NTM: variants seen among roughly 807,000 people sequenced by gnomAD.
The protein encoded by NTM is IgLON family member 2.
In NTM, 13 loss-of-function variants were observed where a neutral mutation model predicts 42.1. That is an observed-to-expected ratio of 0.31 (90% CI 0.20 to 0.49). The LOEUF (loss-of-function observed/expected upper bound fraction) is 0.49, where lower values mean the gene tolerates loss of function less well. Ranked by LOEUF, NTM falls within the 20% of genes least tolerant of loss-of-function variation. The pLI is 0.99. For missense variants in NTM, 373 were observed against 452.8 expected, an observed-to-expected ratio of 0.82 and a Z score of 1.60; for synonymous variants, 187 against 179.2, an observed-to-expected ratio of 1.04 and a Z score of -0.35.
intron 1 of NTM, among the ~76,000 whole-genome samples, chr11:131,742,058 A>G (rs1591542805): frequency 6.6e-6 from 1 of 152,296 alleles, no homozygotes; most frequent in East Asian, 1.9e-4. Flanking sequence ...AACAACACAC[A>G]CTGGGGCCTA....
chr11:132,110,377 C>G (rs78615996), intron 2 of NTM, among the ~76,000 whole-genome samples: 23,779 of 152,282 alleles, frequency 0.16, 2,206 homozygotes, highest in South Asian at 0.22. Flanking sequence ...CATGTCTTAT[C>G]TCTGCCAAGG....
chr11:132,303,589 T>G lies in NTM; in HGVS notation c.527-4100T>G, dbSNP rs1005349296. On this transcript the variant is annotated intron_variant, in intron 4 of 8. Transcript: ENST00000683400. Reference sequence around the variant, plus strand: ...CTCTCTGAGGTACTGATGGTTAGGATCTCAACATACCTTTTTTGGGAGGAC... The same window carrying G: ...CTCTCTGAGGTACTGATGGTTAGGAGCTCAACATACCTTTTTTGGGAGGAC... Among the ~76,000 whole-genome samples the G allele has an allele frequency of 3.9e-5, 6 of 152,216 alleles. No individual in the cohort carries two copies. The South Asian group carries it at 1.2e-3, about 32-fold the overall frequency.
At chr11:131,559,201 C>G (rs2055873765) in intron 1 of NTM, among the ~76,000 whole-genome samples, 1 of 152,200 alleles carries the variant, frequency 6.6e-6, no homozygotes, top group Non-Finnish European at 1.5e-5. Flanking sequence ...GAGGCAGACT[C>G]CAGGATCACA....
chr11:131,776,313 A>G (rs1376035545), intron 1 of NTM, among the ~76,000 whole-genome samples: 1 of 152,148 alleles, frequency 6.6e-6, no homozygotes, highest in Non-Finnish European at 1.5e-5. Context: ...TTGTGTGCAA[A>G]CCAGCTAATT....
intron 1 of NTM, among the ~76,000 whole-genome samples, chr11:131,478,887 G>C (rs1311186923): frequency 6.6e-6 from 1 of 152,238 alleles, no homozygotes; most frequent in Non-Finnish European, 1.5e-5. Context: ...AATCCAGTCT[G>C]GTTCTTTACT....
intron 2 of NTM, among the ~76,000 whole-genome samples, chr11:132,125,082 C>G (rs560594294): frequency 1.3e-5 from 2 of 152,326 alleles, no homozygotes; most frequent in African/African-American, 2.4e-5. Flanking sequence ...CACACCCTGC[C>G]TTCCTCACAC....
intron 1 of NTM, among the ~76,000 whole-genome samples, chr11:131,894,529 A>G (rs771253401): frequency 1.3e-5 from 2 of 152,186 alleles, no homozygotes; most frequent in African/African-American, 2.4e-5. Flanking sequence ...TTGAAACCCC[A>G]GGCAAAGGGC....
At chr11:132,122,019 T>A (rs1333044163) in intron 2 of NTM, among the ~76,000 whole-genome samples, 2 of 152,184 alleles carry the variant, frequency 1.3e-5, no homozygotes, top group Non-Finnish European at 2.9e-5. Context: ...CCTCCACCTC[T>A]ATGCATGAAA....
chr11:132,199,355 A>G (rs2080802433), intron 3 of NTM, among the ~76,000 whole-genome samples: 1 of 152,198 alleles, frequency 6.6e-6, no homozygotes, highest in African/African-American at 2.4e-5. Flanking sequence ...GTTAGTTTTG[A>G]GGCACAACGT....
At chr11:131,864,254 G>A (rs2046920831) in intron 1 of NTM, among the ~76,000 whole-genome samples, 1 of 152,176 alleles carries the variant, frequency 6.6e-6, no homozygotes, top group Non-Finnish European at 1.5e-5. Context: ...ATCCATCAGG[G>A]CAGGATCCAT....
At chr11:131,503,748 G>T (rs1219483713) in intron 1 of NTM, among the ~76,000 whole-genome samples, 1 of 152,046 alleles carries the variant, frequency 6.6e-6, no homozygotes, top group African/African-American at 2.4e-5. Flanking sequence ...GGGCTCAAGT[G>T]ATCCTCCTTC....
intron 3 of NTM, among the ~76,000 whole-genome samples, chr11:132,187,856 A>C (rs934067254): frequency 6.6e-6 from 1 of 152,156 alleles, no homozygotes; most frequent in African/African-American, 2.4e-5. Context: ...GAAAGTGAAC[A>C]TGGATTGGGT....
chr11:131,694,584 G>A (rs1451001488), intron 1 of NTM, among the ~76,000 whole-genome samples: 2 of 152,126 alleles, frequency 1.3e-5, no homozygotes, highest in Admixed American at 1.3e-4. Flanking sequence ...TGGCGGGAAA[G>A]GGCGTGCAAG....
At chr11:132,147,943 G>A (rs2070927673) in intron 3 of NTM, among the ~76,000 whole-genome samples, 1 of 152,198 alleles carries the variant, frequency 6.6e-6, no homozygotes, top group Non-Finnish European at 1.5e-5. Flanking sequence ...GTCGTGATCA[G>A]CACTGTTGAG....
chr11:131,660,334 T>G (rs562403954), intron 1 of NTM: 1 of 368,042 alleles, frequency 2.7e-6, no homozygotes, highest in African/African-American at 2.2e-5. Flanking sequence ...AAGAGGGGGA[T>G]GGAGACCTTG....
At chr11:132,292,211 TAGAC>T (rs1193791680) in intron 4 of NTM, among the ~76,000 whole-genome samples, 3 of 152,190 alleles carry the variant, frequency 2.0e-5, no homozygotes, top group Admixed American at 6.5e-5. Context: ...AGACATTTGT[TAGAC>T]AGTTACTGTA....
intron 2 of NTM, among the ~76,000 whole-genome samples, chr11:132,036,005 A>G (rs1028922420): frequency 6.6e-6 from 1 of 152,078 alleles, no homozygotes; most frequent in Non-Finnish European, 1.5e-5. Flanking sequence ...CAAGGATGTA[A>G]TTTACAGGCT....
rs190389866 is a variant in NTM, at chr11:132,135,847, C to G, written c.168-10435C>G. Among the ~76,000 whole-genome samples, 502 of 152,270 alleles carry G rather than the reference C, an allele frequency of 3.3e-3. 5 individuals are homozygous for G. Among genetic ancestry groups the G allele is most frequent in the African/African-American group, 0.011 (475 of 41,560 alleles). On this transcript the variant is annotated intron_variant, in intron 2 of 8. Coordinates refer to ENST00000683400, the MANE Select transcript of NTM (RefSeq NM_001352005.2). ...CAGTGGCTGTGCAAATGATGAGGCCCCCATCGAGGTGAGGGAGGGCTCTGG... is the reference window on the plus strand; with the variant it reads ...CAGTGGCTGTGCAAATGATGAGGCCGCCATCGAGGTGAGGGAGGGCTCTGG...
At chr11:132,075,423 A>G (rs955969568) in intron 2 of NTM, among the ~76,000 whole-genome samples, 3 of 152,248 alleles carry the variant, frequency 2.0e-5, no homozygotes, top group African/African-American at 7.2e-5. Context: ...TCACCATTAA[A>G]AGTCCTACAT....
Sources: gnomAD v4.1 joint callset for allele counts (sites outside exome capture counted in the v4.1 genomes callset) on GRCh38, gnomAD v4.1.1 for gene constraint, MANE v1.5 for transcripts, NCBI Gene and HGNC (gene_info 2026-07-23, HGNC 2026-07-21) for gene names.